The following ZFP90 variants were observed in gnomAD, a reference collection of about 807,000 sequenced individuals.
ZFP90 encodes zinc finger protein 90 homolog.
Under a neutral mutation model 60.8 loss-of-function variants are expected in ZFP90, and 38 were observed. That is an observed-to-expected ratio of 0.62 (90% CI 0.48 to 0.82). The LOEUF is 0.82. ZFP90 is among the 40% of genes least tolerant of loss of function. The probability of loss-of-function intolerance (pLI) is 0.00; values close to 1 mark genes in which losing one functional copy is unlikely to be tolerated. For synonymous variants in ZFP90, 287 were observed against 264.8 expected (o/e 1.08, Z -0.82); for missense variants, 711 against 759.1 (o/e 0.94, Z 0.74).
intron 3 of ZFP90, 72 bp downstream of exon 3, chr16:68,558,196 C>T (rs2091377748): frequency 4.4e-6 from 7 of 1,588,702 alleles, no homozygotes; most frequent in Middle Eastern, 1.7e-4. Flanking sequence ...AGTGGTGGTG[C>T]CCAGAGCTTA....
rs946208159 is a variant in ZFP90 at position 68,558,053 on chromosome 16, A to G, written c.89A>G (p.His30Arg). ...SVDFTQEEWYHVDPAQRSLYR... is the reference protein window; with the variant it reads ...SVDFTQEEWYRVDPAQRSLYR... ...GACTTCACCCAGGAAGAATGGTACC[A>G]TGTCGACCCTGCTCAGAGGAGCTTA... The change falls in exon 3 of 5, where the codon CAT becomes CGT. Residue 30 changes from histidine to arginine, a missense_variant. This residue lies in a region of ZFP90 where 241 missense variants were observed against 247.6 expected (regional missense o/e 0.97). Coordinates refer to ENST00000563169, the MANE Select transcript of ZFP90 (RefSeq NM_001305203.2). The G allele has an allele frequency of 6.8e-6, 11 of 1,613,802 alleles. No homozygotes were observed. Among genetic ancestry groups the G allele is most frequent in the Middle Eastern group, 3.3e-4 (2 of 6,082 alleles).
At chr16:68,539,642 C>T (rs367991552) in intron 1 of ZFP90, 116 bp from the exon 2 acceptor site, 5 of 811,284 alleles carry the variant, frequency 6.2e-6, no homozygotes, top group Non-Finnish European at 7.1e-6. Context: ...GCTGGTTCCA[C>T]GGTCCTCGCC....
chr16:68,573,061 C>G (rs2091576124), intron 2 of ZFP90, among the ~76,000 whole-genome samples: 1 of 152,218 alleles, frequency 6.6e-6, no homozygotes, highest in African/African-American at 2.4e-5. Context: ...ATTGTCCAAA[C>G]AGGGACCCTG....
rs138560558 is a variant in ZFP90 at position 68,563,427 on chromosome 16, G to A, written c.640G>A (p.Asp214Asn). Reference protein sequence around the residue: ...ILAKKKPYKCDKCRKAFIHRS... With the variant: ...ILAKKKPYKCNKCRKAFIHRS... ...TGCAAAAAAGAAACCCTATAAGTGT[G>A]ATAAATGTAGAAAAGCCTTTATTCA... Residue 214 changes from aspartate to asparagine, a missense_variant, in exon 5 of 5, where the codon GAT becomes AAT. By Grantham distance (23) the Asp-to-Asn change is conservative (BLOSUM62 1). Around this residue, in one of 5 missense-constraint regions of ZFP90, gnomAD observed 241 missense variants for 247.6 expected, o/e 0.97. Coordinates refer to ENST00000563169, the MANE Select transcript of ZFP90 (RefSeq NM_001305203.2). The A allele has an allele frequency of 2.2e-3, 3,580 of 1,613,222 alleles. 40 individuals carry two copies. Among genetic ancestry groups the A allele is most frequent in the South Asian group, 0.018 (1,654 of 90,824 alleles).
rs1489268283 is a variant in ZFP90 at position 68,565,663 on chromosome 16, G to T, written c.*965G>T. ...GAAAAAGCACTTTCTTAAGCCTACAGTATCAGATCAATGGGAAAACAACAG... is the reference window on the plus strand; with the variant it reads ...GAAAAAGCACTTTCTTAAGCCTACATTATCAGATCAATGGGAAAACAACAG... On this transcript the variant is annotated 3_prime_UTR_variant, in exon 5 of 5. Coordinates refer to ENST00000563169, the MANE Select transcript of ZFP90 (RefSeq NM_001305203.2). 51 of 985,380 alleles carry T rather than the reference G, an allele frequency of 5.2e-5. No homozygotes were observed. The highest frequency in any genetic ancestry group is 4.3e-4 in the Admixed American group (7 of 16,246). 61.0% of individuals were successfully genotyped at this position (985,380 alleles called of 1,614,324 possible).
At chr16:68,573,181 G>A (rs545732583) in intron 2 of ZFP90, among the ~76,000 whole-genome samples, 1 of 152,374 alleles carries the variant, frequency 6.6e-6, no homozygotes, top group Non-Finnish European at 1.5e-5. Context: ...GTGGGCAGGA[G>A]CCATAAGGCT....
At chr16:68,569,063 A>T (rs1376731305), downstream of ZFP90, among the ~76,000 whole-genome samples, 1 of 151,960 alleles carries the variant, frequency 6.6e-6, no homozygotes, top group South Asian at 2.1e-4. Flanking sequence ...AAGAGCCTAG[A>T]GCTGCCTATT....
chr16:68,537,271 G>A (rs772699289), upstream of ZFP90, among the ~76,000 whole-genome samples: 8 of 151,934 alleles, frequency 5.3e-5, no homozygotes, highest in African/African-American at 7.3e-5. Flanking sequence ...GAGTACAGGC[G>A]CACGCCACCA....
intron 2 of ZFP90, among the ~76,000 whole-genome samples, chr16:68,554,426 G>T (rs1385215350): frequency 6.6e-6 from 1 of 152,182 alleles, no homozygotes. Flanking sequence ...ACAGGCATGA[G>T]CCACTCAGCC....
In ZFP90 at chr16:68,565,331, C is replaced by T. The variant is rs1448447869; in HGVS notation, c.*633C>T. On this transcript the variant is annotated 3_prime_UTR_variant, in exon 5 of 5. Transcript: ENST00000563169. The stretch of plus-strand genomic sequence containing the variant: ...TGCCAGTGAAAAGGTTATTTTTGGA[C>T]TCAGAGGGCTTTAAAATAAATTTTA... The T allele has an allele frequency of 1.0e-6, 1 of 985,416 alleles. No individual in the cohort carries two copies. The highest frequency in any genetic ancestry group is 1.2e-6 in the Non-Finnish European group (1 of 829,950). The allele number at this position is 985,416 out of a possible 1,614,324, so 61.0% of individuals were successfully genotyped here. A position where few individuals can be genotyped will look rare whatever the true frequency, so the allele number is the denominator to read the frequency against.
At chr16:68,557,123 G>A (rs1205860678) in intron 2 of ZFP90, 6 of 450,010 alleles carry the variant, frequency 1.3e-5, no homozygotes, top group Non-Finnish European at 2.7e-5. Flanking sequence ...GAGTAGCTGG[G>A]ACTGTAGGCA....
chr16:68,537,016 A>G (rs1483624824), upstream of ZFP90, among the ~76,000 whole-genome samples: 2 of 152,036 alleles, frequency 1.3e-5, no homozygotes, highest in African/African-American at 2.4e-5. Flanking sequence ...TTAGGCATCT[A>G]TCTGTTCCTA....
chr16:68,556,877 C>T (rs762104486), intron 2 of ZFP90, among the ~76,000 whole-genome samples: 1 of 152,258 alleles, frequency 6.6e-6, no homozygotes, highest in Middle Eastern at 3.4e-3. Flanking sequence ...AGTTGTCAAC[C>T]ATGTGGACAT....
At chr16:68,560,583 TCTCA>T (rs2091424817) in intron 4 of ZFP90, among the ~76,000 whole-genome samples, 1 of 151,598 alleles carries the variant, frequency 6.6e-6, no homozygotes, top group South Asian at 2.1e-4. Context: ...TGAGACAGAA[TCTCA>T]CTCTGTCACC....
intron 2 of ZFP90, among the ~76,000 whole-genome samples, chr16:68,553,308 G>T (rs1267901435): frequency 6.6e-6 from 1 of 152,146 alleles, no homozygotes; most frequent in Non-Finnish European, 1.5e-5. Context: ...TTTGAACAAA[G>T]AGCTGAAGCC....
chr16:68,567,968 G>A (rs1393370539), downstream of ZFP90, among the ~76,000 whole-genome samples: 2 of 152,040 alleles, frequency 1.3e-5, no homozygotes, highest in African/African-American at 4.8e-5. Flanking sequence ...AAAATACTAA[G>A]GTGGTTAATT....
intron 2 of ZFP90, among the ~76,000 whole-genome samples, chr16:68,547,664 A>G (rs773524801): frequency 2.0e-5 from 3 of 152,098 alleles, no homozygotes; most frequent in Non-Finnish European, 2.9e-5. Flanking sequence ...GTTGTTTAAA[A>G]TCAGTTTTAA....
chr16:68,564,446 T>C lies in ZFP90; in HGVS notation c.1659T>C (p.Tyr553=). The change falls in exon 5 of 5, where the codon TAT becomes TAC. Residue 553 remains tyrosine, a synonymous_variant. Transcript: ENST00000563169. The stretch of plus-strand genomic sequence containing the variant: ...GAACCCACACTGGAGAGAAACCCTA[T>C]GAATGTATTGACTGTGGGAAAGCCT... The part of the protein sequence containing the change: ...HERTHTGEKP[Y]ECIDCGKAFS... 1 of 1,614,016 alleles carries C rather than the reference T, an allele frequency of 6.2e-7. No individual in the cohort carries two copies. Among genetic ancestry groups the C allele is most frequent in the Non-Finnish European group, 8.5e-7 (1 of 1,179,964 alleles).
Position 68,566,539 on chromosome 16 carries a change from A to C in ZFP90, c.*1841A>C. 3 of 985,538 alleles carry C rather than the reference A, an allele frequency of 3.0e-6. No individual in the cohort carries two copies. The highest frequency in any genetic ancestry group is 2.4e-6 in the Non-Finnish European group (2 of 829,934). 61.0% of individuals were successfully genotyped at this position (985,538 alleles called of 1,614,324 possible). On this transcript the variant is annotated 3_prime_UTR_variant, in exon 5 of 5. Coordinates refer to ENST00000563169, the MANE Select transcript of ZFP90 (RefSeq NM_001305203.2). ...TTGTGCATGGGGGCTGAAATGTAATATGTGTAGCTCAATTAGTCTCTCCTC... is the reference window on the plus strand; with the variant it reads ...TTGTGCATGGGGGCTGAAATGTAATCTGTGTAGCTCAATTAGTCTCTCCTC...
Sources: allele counts gnomAD v4.1 joint callset (sites outside exome capture counted in the v4.1 genomes callset), GRCh38; gene constraint gnomAD v4.1.1; regional missense constraint gnomAD v4.1.1; transcripts MANE v1.5; gene names NCBI Gene and HGNC (gene_info 2026-07-23, HGNC 2026-07-21).